LINGO2: variants seen among roughly 807,000 people sequenced by gnomAD.
LINGO2 encodes leucine-rich repeat and immunoglobulin-like domain-containing nogo receptor-interacting protein 2.
Under a neutral mutation model 30.6 loss-of-function variants are expected in LINGO2, and 14 were observed. The ratio of observed to expected loss-of-function variants is 0.46; its 90% confidence interval spans 0.30 to 0.72. The LOEUF is 0.72. Ranked by LOEUF, LINGO2 falls within the 30% of genes least tolerant of loss-of-function variation. The probability of loss-of-function intolerance (pLI) is 0.07; values close to 1 mark genes in which losing one functional copy is unlikely to be tolerated. For synonymous variants in LINGO2, 317 were observed against 288.5 expected (o/e 1.10, Z -1.00); for missense variants, 729 against 751.7 (o/e 0.97, Z 0.35).
At chr9:28,803,593 A>T in the LINGO2 span, among the ~76,000 whole-genome samples, 6 of 152,020 alleles carry the variant, frequency 3.9e-5, no homozygotes, top group Non-Finnish European at 8.8e-5. Context: ...CGATGCTTTA[A>T]CTTTCCTTAA....
chr9:28,500,069 T>C (rs1419352495), intron 1 of LINGO2, among the ~76,000 whole-genome samples: 1 of 152,214 alleles, frequency 6.6e-6, no homozygotes, highest in East Asian at 1.9e-4. Flanking sequence ...CGCTCAGGAG[T>C]CATCTGCCCT....
At chr9:28,565,274 G>A (rs553575416) in intron 1 of LINGO2, among the ~76,000 whole-genome samples, 12 of 151,792 alleles carry the variant, frequency 7.9e-5, no homozygotes, top group Non-Finnish European at 1.6e-4. Flanking sequence ...TACAAGCTCC[G>A]CCTCCTGGGT....
chr9:28,651,006 C>G (rs1255056369), intron 1 of LINGO2, among the ~76,000 whole-genome samples: 1 of 151,704 alleles, frequency 6.6e-6, no homozygotes, highest in Admixed American at 6.6e-5. Context: ...CTGGCTAACA[C>G]GATGAAACCC....
intron 5 of LINGO2, among the ~76,000 whole-genome samples, chr9:27,958,881 A>G (rs186711405): frequency 3.9e-4 from 60 of 152,270 alleles, no homozygotes; most frequent in African/African-American, 1.3e-3. Flanking sequence ...TATTTTAAAA[A>G]TATTTGGCAG....
At chr9:28,201,089 T>A (rs1344825785) in intron 4 of LINGO2, among the ~76,000 whole-genome samples, 5 of 150,506 alleles carry the variant, frequency 3.3e-5, no homozygotes, top group South Asian at 2.1e-4. Context: ...TTTTTTTTTT[T>A]ATTATACTTT....
intron 5 of LINGO2, among the ~76,000 whole-genome samples, chr9:27,992,055 C>A (rs888648385): frequency 1.3e-5 from 2 of 152,032 alleles, no homozygotes; most frequent in African/African-American, 4.8e-5. Context: ...GGACGCATTT[C>A]TCCAACTTTT....
chr9:28,060,944 A>G (rs1339299494), intron 4 of LINGO2, among the ~76,000 whole-genome samples: 5 of 152,000 alleles, frequency 3.3e-5, no homozygotes, highest in Non-Finnish European at 5.9e-5. Context: ...ACTAACCCCC[A>G]GTATCCTTCA....
chr9:29,157,383 C>A, the LINGO2 span, among the ~76,000 whole-genome samples: 1 of 152,108 alleles, frequency 6.6e-6, no homozygotes, highest in Admixed American at 6.6e-5. Context: ...ATGCCAAGAA[C>A]AACTAAAGAT....
At chr9:28,843,655 A>G in the LINGO2 span, among the ~76,000 whole-genome samples, 1 of 151,752 alleles carries the variant, frequency 6.6e-6, no homozygotes, top group Admixed American at 6.6e-5. Flanking sequence ...GCTCAGGAAA[A>G]TTTGTCTTTC....
intron 5 of LINGO2, among the ~76,000 whole-genome samples, chr9:28,008,996 T>G (rs1822411448): frequency 6.6e-6 from 1 of 152,148 alleles, no homozygotes; most frequent in Admixed American, 6.5e-5. Context: ...TTATTCACAC[T>G]TACCGATTTC....
At chr9:27,974,076 CAA>C (rs1322025296) in intron 5 of LINGO2, among the ~76,000 whole-genome samples, 1 of 152,160 alleles carries the variant, frequency 6.6e-6, no homozygotes, top group Non-Finnish European at 1.5e-5. Context: ...CTTCATTCCT[CAA>C]ACTTCCACAA....
At chr9:28,710,911 A>G in the LINGO2 span, among the ~76,000 whole-genome samples, 1 of 152,118 alleles carries the variant, frequency 6.6e-6, no homozygotes, top group Non-Finnish European at 1.5e-5. Context: ...GACATGTAAC[A>G]AATAGATGAG....
intron 1 of LINGO2, among the ~76,000 whole-genome samples, chr9:28,546,932 T>C (rs1189522021): frequency 6.6e-6 from 1 of 152,062 alleles, no homozygotes; most frequent in Non-Finnish European, 1.5e-5. Context: ...TTTTAACCTT[T>C]CCCCTAAGTT....
chr9:27,957,335 C>T (rs528203888), intron 5 of LINGO2, among the ~76,000 whole-genome samples: 116 of 152,174 alleles, frequency 7.6e-4, no homozygotes, highest in Non-Finnish European at 1.4e-3. Context: ...TGCTTTGTCG[C>T]CCGGCTGGAG....
the LINGO2 span, among the ~76,000 whole-genome samples, chr9:29,008,351 A>C: frequency 1.1e-4 from 17 of 152,132 alleles, no homozygotes; most frequent in Non-Finnish European, 2.4e-4. Flanking sequence ...GTTGGATCCA[A>C]GTCTTTGCTA....
chr9:28,915,999 C>A, the LINGO2 span, among the ~76,000 whole-genome samples: 1 of 152,086 alleles, frequency 6.6e-6, no homozygotes, highest in Non-Finnish European at 1.5e-5. Flanking sequence ...ACCAAATGGA[C>A]CCTCCTCTTG....
chr9:28,165,435 G>A (rs920935263), intron 4 of LINGO2, among the ~76,000 whole-genome samples: 6 of 152,030 alleles, frequency 3.9e-5, no homozygotes, highest in African/African-American at 1.4e-4. Context: ...TCACTCCCAG[G>A]TTTTACATAA....
chr9:28,624,603 T>G (rs1206265394), intron 1 of LINGO2, among the ~76,000 whole-genome samples: 1 of 151,534 alleles, frequency 6.6e-6, no homozygotes, highest in Non-Finnish European at 1.5e-5. Context: ...TTCATTGATA[T>G]TCATCAGAGA....
At chr9:28,929,732 C>A in the LINGO2 span, among the ~76,000 whole-genome samples, 7 of 152,040 alleles carry the variant, frequency 4.6e-5, no homozygotes, top group Non-Finnish European at 7.4e-5. Context: ...GTGCAAACTG[C>A]GCCAATGGTC....
Sources: gnomAD v4.1 joint callset for allele counts (sites outside exome capture counted in the v4.1 genomes callset) on GRCh38, gnomAD v4.1.1 for gene constraint, MANE v1.5 for transcripts, NCBI Gene and HGNC (gene_info 2026-07-23, HGNC 2026-07-21) for gene names.